Variants in TENM3 observed in about 807,000 individuals in gnomAD.
TENM3 encodes teneurin transmembrane protein 3, also known as teneurin-3.
A neutral mutation model predicts 255.1 loss-of-function variants in TENM3; 63 were observed. The observed-to-expected ratio is 0.25, with a 90% confidence interval of 0.20 to 0.30. The LOEUF (loss-of-function observed/expected upper bound fraction) is 0.30, where lower values mean the gene tolerates loss of function less well. Ranked by LOEUF, TENM3 falls within the 10% of genes least tolerant of loss-of-function variation. The pLI, the probability that TENM3 is intolerant of heterozygous loss-of-function variation, is 1.00. For missense variants in TENM3, 2,929 were observed against 3,461.1 expected (o/e 0.85, Z 3.86); for synonymous variants, 1,306 against 1,322.3 (o/e 0.99, Z 0.27).
the TENM3 span, among the ~76,000 whole-genome samples, chr4:182,059,755 AAAAAAAAG>A: frequency 0.028 from 3,836 of 136,022 alleles, 167 homozygotes; most frequent in African/African-American, 0.12. Flanking sequence ...CAAAAAAAAA[AAAAAAAAG>A]AAAAAAAAAA....
At chr4:181,861,675 G>A in the TENM3 span, among the ~76,000 whole-genome samples, 8 of 152,042 alleles carry the variant, frequency 5.3e-5, no homozygotes, top group Admixed American at 2.0e-4. Flanking sequence ...TTTATTGATA[G>A]CATTTAACAT....
In TENM3 at chr4:182,768,662, G is replaced by A. The variant is rs1041954072; in HGVS notation, c.4893-4810G>A. The stretch of plus-strand genomic sequence containing the variant: ...AATGACTGAGGCTGTGATTCTCCGA[G>A]GCATTTGTCGATAATCCCACTACTT... On this transcript the variant is annotated intron_variant, in intron 22 of 27. Coordinates refer to ENST00000511685, the MANE Select transcript of TENM3 (RefSeq NM_001080477.4). Among the ~76,000 whole-genome samples the A allele has an allele frequency of 3.3e-5, 5 of 152,134 alleles. No homozygotes were observed. In the South Asian group the frequency reaches 1.0e-3, roughly 31 times the overall value.
At chr4:182,740,805 T>C (rs1443830633) in intron 18 of TENM3, among the ~76,000 whole-genome samples, 1 of 152,180 alleles carries the variant, frequency 6.6e-6, no homozygotes, top group African/African-American at 2.4e-5. Context: ...TATGGGTAAC[T>C]TCTATTAAAA....
chr4:182,768,879 G>A (rs947811124), intron 22 of TENM3, among the ~76,000 whole-genome samples: 2 of 152,110 alleles, frequency 1.3e-5, no homozygotes, highest in African/African-American at 4.8e-5. Context: ...TGTAAAGAGG[G>A]GTCAGGCAGG....
At chr4:181,885,010 C>T in the TENM3 span, among the ~76,000 whole-genome samples, 1 of 152,178 alleles carries the variant, frequency 6.6e-6, no homozygotes, top group South Asian at 2.1e-4. Flanking sequence ...ATTACACTTT[C>T]TAGATCTTGG....
At chr4:182,557,523 A>G (rs749285368) in intron 3 of TENM3, among the ~76,000 whole-genome samples, 1 of 152,192 alleles carries the variant, frequency 6.6e-6, no homozygotes, top group African/African-American at 2.4e-5. Context: ...CCTCATTTCT[A>G]CGGAACCCTA....
At chr4:182,486,460 GC>G (rs1734733563) in intron 3 of TENM3, among the ~76,000 whole-genome samples, 2 of 152,254 alleles carry the variant, frequency 1.3e-5, no homozygotes, top group South Asian at 4.1e-4. Flanking sequence ...GGAATGGGGA[GC>G]ATGATTTTAT....
At chr4:182,425,765 T>G (rs1473838112) in intron 3 of TENM3, among the ~76,000 whole-genome samples, 3 of 152,144 alleles carry the variant, frequency 2.0e-5, no homozygotes, top group African/African-American at 4.8e-5. Context: ...ATCCCAGCGC[T>G]TTCGGAGGCC....
chr4:182,755,708 C>T lies in TENM3; in HGVS notation c.4892+449C>T, dbSNP rs540360694. Among the ~76,000 whole-genome samples, 117 of 152,096 alleles carry T rather than the reference C, an allele frequency of 7.7e-4. 2 individuals are homozygous for T. In the South Asian group the frequency reaches 0.023, roughly 30 times the overall value. ...CAAAAAAAATAGCCGGGCGTGGTGGCGGGCGCCTGTAGTCCCAGCTACTCG... is the reference window on the plus strand; with the variant it reads ...CAAAAAAAATAGCCGGGCGTGGTGGTGGGCGCCTGTAGTCCCAGCTACTCG... On this transcript the variant is annotated intron_variant, in intron 22 of 27. Transcript: ENST00000511685.
intron 1 of TENM3, among the ~76,000 whole-genome samples, chr4:182,270,784 A>C (rs1326690309): frequency 6.6e-6 from 1 of 152,140 alleles, no homozygotes; most frequent in Non-Finnish European, 1.5e-5. Flanking sequence ...TACAGTCTGG[A>C]CCCTCTAAAG....
At chr4:182,238,178 T>G (rs1036331883) in intron 1 of TENM3, among the ~76,000 whole-genome samples, 2 of 152,170 alleles carry the variant, frequency 1.3e-5, no homozygotes, top group African/African-American at 2.4e-5. Flanking sequence ...TCTTGGCTGC[T>G]TTAGCCTCAG....
the TENM3 span, among the ~76,000 whole-genome samples, chr4:181,723,721 G>A: frequency 1.3e-5 from 2 of 151,830 alleles, no homozygotes; most frequent in Non-Finnish European, 2.9e-5. Context: ...CACCAGTAAT[G>A]TTCTGTATTT....
intron 1 of TENM3, among the ~76,000 whole-genome samples, chr4:182,172,734 C>T (rs17234482): frequency 0.05 from 7,564 of 151,980 alleles, 371 homozygotes; most frequent in Admixed American, 0.16. Context: ...TATGCAAAGA[C>T]CATGTTAAAA....
the TENM3 span, among the ~76,000 whole-genome samples, chr4:181,469,679 T>C: frequency 5.4e-5 from 4 of 74,250 alleles, no homozygotes; most frequent in African/African-American, 8.9e-5. Context: ...TTCCAGAAAA[T>C]TGTTGAGTAG....
At chr4:182,730,090 G>C in intron 14 of TENM3, 110 bp from the exon 15 acceptor site, 1 of 1,324,582 alleles carries the variant, frequency 7.5e-7, no homozygotes, top group Non-Finnish European at 1.0e-6. Flanking sequence ...AATAACGATG[G>C]ATTGCATAGC....
the TENM3 span, among the ~76,000 whole-genome samples, chr4:181,521,917 A>G: frequency 1.2e-4 from 19 of 152,066 alleles, no homozygotes; most frequent in East Asian, 2.0e-3. Flanking sequence ...TAACGCGGTG[A>G]AACCCCGTCT....
At chr4:181,679,643 C>A in the TENM3 span, among the ~76,000 whole-genome samples, 1 of 152,244 alleles carries the variant, frequency 6.6e-6, no homozygotes, top group Non-Finnish European at 1.5e-5. Flanking sequence ...AACTCACCTT[C>A]CTCCTGAGGG....
the TENM3 span, among the ~76,000 whole-genome samples, chr4:182,097,033 A>T: frequency 6.6e-6 from 1 of 152,142 alleles, no homozygotes. Context: ...TGTCAAAGTG[A>T]GGGTTATAGT....
At chr4:182,688,746 T>G (rs1347898192) in intron 12 of TENM3, among the ~76,000 whole-genome samples, 1 of 152,216 alleles carries the variant, frequency 6.6e-6, no homozygotes, top group Non-Finnish European at 1.5e-5. Context: ...TATATGCCCT[T>G]GTTGGCCTCT....
Sources: gnomAD v4.1 joint callset for allele counts (sites outside exome capture counted in the v4.1 genomes callset) on GRCh38, gnomAD v4.1.1 for gene constraint, MANE v1.5 for transcripts, NCBI Gene and HGNC (gene_info 2026-07-23, HGNC 2026-07-21) for gene names.